The following ATG16L1 variants were observed in gnomAD, a reference collection of about 807,000 sequenced individuals.
ATG16L1 encodes autophagy related 16 like 1.
A neutral mutation model predicts 88.5 loss-of-function variants in ATG16L1; 37 were observed. The observed-to-expected ratio is 0.42, with a 90% CI of 0.32 to 0.55. The LOEUF (loss-of-function observed/expected upper bound fraction) is 0.55. Among genes scored for constraint, ATG16L1 ranks in the 20% least tolerant of loss-of-function variants. The probability of loss-of-function intolerance (pLI) is 0.13; values close to 1 mark genes in which losing one functional copy is unlikely to be tolerated. For missense variants in ATG16L1, 554 were observed against 752.8 expected (o/e 0.74, Z 3.09); for synonymous variants, 301 against 281.0 (o/e 1.07, Z -0.71).
chr2:233,265,136 G>T lies in ATG16L1; in HGVS notation c.634G>T (p.Asp212Tyr). The change falls in exon 5 of 18, where the codon GAC becomes TAC. Residue 212 changes from aspartate to tyrosine, a missense_variant. Coordinates refer to ENST00000392017, the MANE Select transcript of ATG16L1 (RefSeq NM_030803.7). ...ANRLNAENEK[D>Y]SRRRQARLQK... ...TCGGCTTAATGCAGAGAATGAAAAAGACTCCAGGTGGGCTATCAATCCACA... is the reference window on the plus strand; with the variant it reads ...TCGGCTTAATGCAGAGAATGAAAAATACTCCAGGTGGGCTATCAATCCACA... 1.2e-6 allele frequency: 2 copies of T among 1,613,882 alleles called. No individual in the cohort carries two copies. Among genetic ancestry groups the T allele is most frequent in the Non-Finnish European group, 1.7e-6 (2 of 1,179,978 alleles).
intron 2 of ATG16L1, among the ~76,000 whole-genome samples, chr2:233,256,693 C>CTTTTTTTTTTTTTTTTTTTTTTTTTTTTT (rs1175941099): frequency 7.1e-6 from 1 of 140,470 alleles, no homozygotes. Context: ...TTTTCTTTTT[C>CTTTTTTTTTTTTTTTTTTTTTTTTTTTTT]TTTTTTTTTT....
At chr2:233,293,225 A>T (rs767582531) in intron 16 of ATG16L1, 31 bp from the exon 17 acceptor site, 24 of 1,595,116 alleles carry the variant, frequency 1.5e-5, no homozygotes, top group Non-Finnish European at 8.6e-7. Flanking sequence ...TGGGGAATTG[A>T]CAACCTTTCT....
Position 233,293,304 on chromosome 2 carries a change from T to C in ATG16L1, c.1677T>C (p.Tyr559=). Residue 559 remains tyrosine, a synonymous_variant, in exon 17 of 18, where the codon TAT becomes TAC. Transcript: ENST00000392017. ...CAGGCTCTGCTGAGGGCTCTCTGTA[T>C]ATCTGGAGTGTGCTCACAGGGAAAG... ...VAAGSAEGSL[Y]IWSVLTGKVE... is the part of the protein sequence containing the mutation. The C allele has an allele frequency of 2.5e-6, 4 of 1,614,194 alleles. No homozygotes were observed. The highest frequency in any genetic ancestry group is 2.5e-6 in the Non-Finnish European group (3 of 1,180,024).
intron 8 of ATG16L1, chr2:233,274,199 C>G: frequency 1.4e-6 from 1 of 719,300 alleles, no homozygotes; most frequent in African/African-American, 1.8e-5. Context: ...AGCAGGGCTG[C>G]CAGGTTGAAC....
At chr2:233,259,539 C>G (rs1052190126) in intron 2 of ATG16L1, among the ~76,000 whole-genome samples, 3 of 152,176 alleles carry the variant, frequency 2.0e-5, no homozygotes, top group Non-Finnish European at 2.9e-5. Context: ...TGTTGTTTGG[C>G]AACTCGACTT....
intron 13 of ATG16L1, 118 bp from the exon 14 acceptor site, chr2:233,290,130 G>C (rs1476197408): frequency 6.6e-7 from 1 of 1,509,132 alleles, no homozygotes; most frequent in Non-Finnish European, 9.1e-7. Context: ...AGTTTTTCTT[G>C]TTTAAAGCTT....
In ATG16L1 at chr2:233,269,978, CTT is replaced by C. The variant is rs35705047; in HGVS notation, c.642-10_642-9del. 0.012 allele frequency: 16,641 copies of C among 1,427,864 alleles called. 23 individuals are homozygous for C. Among genetic ancestry groups the C allele is most frequent in the African/African-American group, 0.036 (2,412 of 66,088 alleles). 88.4% of individuals were successfully genotyped at this position (1,427,864 alleles called of 1,614,324 possible). On this transcript the variant is annotated intron_variant, in intron 5 of 17. Coordinates refer to ENST00000392017, the MANE Select transcript of ATG16L1 (RefSeq NM_030803.7). Reference sequence around the variant, plus strand: ...TTCTTAAGCAGACATAAATGGTGGGCTTTTTTTTTTTTTTTCCCAACAGGAGG... The same window carrying C: ...TTCTTAAGCAGACATAAATGGTGGGCTTTTTTTTTTTTTCCCAACAGGAGG...
chr2:233,287,012 C>T (rs990498472), intron 12 of ATG16L1, among the ~76,000 whole-genome samples: 2 of 152,122 alleles, frequency 1.3e-5, no homozygotes, highest in African/African-American at 2.4e-5. Flanking sequence ...ATTAGTTCAG[C>T]AGTTTCATTC....
At chr2:233,284,634 A>G (rs1698956199) in intron 12 of ATG16L1, among the ~76,000 whole-genome samples, 1 of 151,724 alleles carries the variant, frequency 6.6e-6, no homozygotes, top group Non-Finnish European at 1.5e-5. Flanking sequence ...GCCTAGCCCA[A>G]TTTTTGTATT....
At chr2:233,253,332 G>GTTGT (rs1696521773) in intron 1 of ATG16L1, among the ~76,000 whole-genome samples, 1 of 112,890 alleles carries the variant, frequency 8.9e-6, no homozygotes, top group Non-Finnish European at 1.8e-5. Flanking sequence ...GTGAGACTGG[G>GTTGT]TTTTTTTGTT....
rs372958037 is a variant in ATG16L1, at chr2:233,273,710, C to G, written c.795-11C>G. 31 of 1,613,790 alleles carry G rather than the reference C, an allele frequency of 1.9e-5. No individual in the cohort carries two copies. In the African/African-American group the frequency reaches 3.7e-4, roughly 19 times the overall value. ...TTCTAAGGTTTAAACCTATCCTCCC[C>G]TCCTCTTTAGTAAGCGACTCTCGCA... On this transcript the variant is annotated splice_polypyrimidine_tract_variant and intron_variant, in intron 7 of 17. Transcript: ENST00000392017.
intron 10 of ATG16L1, among the ~76,000 whole-genome samples, chr2:233,280,269 C>T (rs532872301): frequency 6.6e-6 from 1 of 152,296 alleles, no homozygotes; most frequent in South Asian, 2.1e-4. Flanking sequence ...AATATGATTA[C>T]AATGGTTCCT....
At chr2:233,269,965 C>A (rs1198774700) in intron 5 of ATG16L1, 37 bp from the exon 6 acceptor site, 12 of 1,558,576 alleles carry the variant, frequency 7.7e-6, no homozygotes, top group Non-Finnish European at 1.0e-5. Flanking sequence ...CTTAAGCAGA[C>A]ATAAATGGTG....
chr2:233,284,324 C>G (rs543617271), intron 12 of ATG16L1, among the ~76,000 whole-genome samples: 2 of 151,298 alleles, frequency 1.3e-5, no homozygotes, highest in Non-Finnish European at 2.9e-5. Flanking sequence ...ATTTTTGTTT[C>G]GTTTTTTAAA....
chr2:233,290,004 A>C, intron 13 of ATG16L1, 30 bp downstream of exon 13: 1 of 1,610,308 alleles, frequency 6.2e-7, no homozygotes. Flanking sequence ...CTGTCTGTGT[A>C]TATGCTTAGA....
At chr2:233,282,876 G>A (rs576866251) in intron 12 of ATG16L1, 123 bp downstream of exon 12, 10 of 786,150 alleles carry the variant, frequency 1.3e-5, no homozygotes, top group East Asian at 1.1e-4. Context: ...GATTCACCCT[G>A]CCCTTCCTTT....
intron 2 of ATG16L1, among the ~76,000 whole-genome samples, chr2:233,261,625 G>A (rs1574849227): frequency 6.6e-6 from 1 of 151,868 alleles, no homozygotes; most frequent in African/African-American, 2.4e-5. Context: ...TTTATTCTGG[G>A]TCATATGGAG....
At chr2:233,286,065 G>A (rs144733517) in intron 12 of ATG16L1, among the ~76,000 whole-genome samples, 1 of 152,258 alleles carries the variant, frequency 6.6e-6, no homozygotes, top group East Asian at 1.9e-4. Flanking sequence ...CTTCTCTCGT[G>A]GTGTGGTGAA....
intron 6 of ATG16L1, 55 bp downstream of exon 6, chr2:233,270,122 A>T: frequency 6.6e-7 from 1 of 1,514,084 alleles, no homozygotes; most frequent in Non-Finnish European, 8.8e-7. Flanking sequence ...GCTCTCTTAA[A>T]AGTTTTGTTT....
Sources: gnomAD v4.1 joint callset for allele counts (sites outside exome capture counted in the v4.1 genomes callset) on GRCh38, gnomAD v4.1.1 for gene constraint, MANE v1.5 for transcripts, NCBI Gene and HGNC (gene_info 2026-07-23, HGNC 2026-07-21) for gene names.